ABCC3: variants seen among roughly 807,000 people sequenced by gnomAD.
ABCC3 encodes the protein ATP-binding cassette sub-family C member 3.
In ABCC3, 121 loss-of-function variants were observed where a neutral mutation model predicts 165.3. The observed-to-expected ratio is 0.73, with a 90% CI of 0.63 to 0.85. The LOEUF is 0.85. ABCC3 is among the 40% of genes least tolerant of loss of function. The pLI, the probability that ABCC3 is intolerant of heterozygous loss-of-function variation, is 0.00. For synonymous variants in ABCC3, 733 were observed against 810.1 expected, an observed-to-expected ratio of 0.90 and a Z score of 1.62; for missense variants, 1,869 against 1,964.1, an observed-to-expected ratio of 0.95 and a Z score of 0.92.
At chr17:50,677,660 C>G in intron 23 of ABCC3, 84 bp from the exon 24 acceptor site, 1 of 1,381,010 alleles carries the variant, frequency 7.2e-7, no homozygotes, top group Non-Finnish European at 1.0e-6. Flanking sequence ...GAGGACTCAT[C>G]TGAAAATGGA....
chr17:50,655,179 G>A (rs149543611), intron 1 of ABCC3, among the ~76,000 whole-genome samples: 5 of 150,102 alleles, frequency 3.3e-5, no homozygotes, highest in Admixed American at 1.3e-4. Flanking sequence ...AGGCCGATGC[G>A]GGCAGATCAC....
Position 50,684,806 on chromosome 17 carries a change from T to A in ABCC3, c.4211T>A (p.Leu1404Gln), listed in dbSNP as rs1204148889. The A allele has an allele frequency of 6.2e-7, 1 of 1,614,166 alleles. No individual in the cohort carries two copies. Among genetic ancestry groups the A allele is most frequent in the South Asian group, 1.1e-5 (1 of 91,078 alleles). The change falls in exon 29 of 31, where the codon CTG becomes CAG. Residue 1404 changes from leucine to glutamine, a missense_variant. Transcript: ENST00000285238. ...DIWWALELSH[L>Q]HTFVSSQPAG... Reference sequence around the variant, plus strand: ...TGGTGGGCTTTGGAGCTGTCCCACCTGCACACGTTTGTGAGCTCCCAGCCG... The same window carrying A: ...TGGTGGGCTTTGGAGCTGTCCCACCAGCACACGTTTGTGAGCTCCCAGCCG...
intron 27 of ABCC3, 59 bp downstream of exon 27, chr17:50,683,815 C>G (rs1053351757): frequency 1.3e-6 from 2 of 1,569,108 alleles, no homozygotes; most frequent in African/African-American, 2.7e-5. Flanking sequence ...TGGCCACAGC[C>G]CTTGTGGGGA....
intron 7 of ABCC3, among the ~76,000 whole-genome samples, chr17:50,659,950 T>C (rs1350783910): frequency 3.9e-5 from 6 of 152,180 alleles, no homozygotes; most frequent in Non-Finnish European, 7.4e-5. Context: ...TGTGCCACTG[T>C]ACTCCAGTCT....
chr17:50,663,643 G>T, intron 8 of ABCC3, 38 bp from the exon 9 acceptor site: 1 of 1,607,180 alleles, frequency 6.2e-7, no homozygotes, highest in Non-Finnish European at 8.5e-7. Context: ...AGCCATGGGG[G>T]CAGCACTGCC....
At chr17:50,635,271 T>A in intron 1 of ABCC3, 1 of 628,542 alleles carries the variant, frequency 1.6e-6, no homozygotes, top group East Asian at 2.7e-5. Flanking sequence ...AAAGGCACAG[T>A]GCGTGGCTGG....
chr17:50,647,029 C>T (rs1327742433), intron 1 of ABCC3, among the ~76,000 whole-genome samples: 1 of 152,194 alleles, frequency 6.6e-6, no homozygotes, highest in Non-Finnish European at 1.5e-5. Flanking sequence ...CAGGTGCCTG[C>T]CACCACGCCC....
chr17:50,662,657 A>AAG lies in ABCC3; in HGVS notation c.999-1012_999-1011dup, dbSNP rs386386243. On this transcript the variant is annotated intron_variant, in intron 8 of 30. Transcript: ENST00000285238. ...TGTCTCAAAAAAAAAAAAAAAAAAA[A>AAG]AGAGAGAGAGAGACACCAGTCACTG... Among the ~76,000 whole-genome samples, 312 of 147,718 alleles carry AAG rather than the reference A, an allele frequency of 2.1e-3. 7 individuals are homozygous for AAG. The highest frequency in any genetic ancestry group is 0.018 in the Admixed American group (263 of 14,634).
intron 8 of ABCC3, among the ~76,000 whole-genome samples, chr17:50,661,842 G>T (rs1056588170): frequency 2.6e-5 from 4 of 152,186 alleles, no homozygotes; most frequent in Non-Finnish European, 5.9e-5. Flanking sequence ...AAAGAAGCCA[G>T]CCTGGGATGC....
At chr17:50,640,183 C>G (rs1424152040) in intron 1 of ABCC3, among the ~76,000 whole-genome samples, 3 of 152,218 alleles carry the variant, frequency 2.0e-5, no homozygotes, top group Admixed American at 1.3e-4. Flanking sequence ...TTGCAAAAAG[C>G]AGGTGATATG....
rs201202739 is a variant in ABCC3 at position 50,669,565 on chromosome 17, A to G, written c.2241+37A>G. The G allele has an allele frequency of 4.2e-5, 68 of 1,603,672 alleles. No individual in the cohort carries two copies. The East Asian group carries it at 1.1e-3, about 26-fold the overall frequency. On this transcript the variant is annotated intron_variant, in intron 17 of 30. Coordinates refer to ENST00000285238, the MANE Select transcript of ABCC3 (RefSeq NM_003786.4). ...TCTTCCATCCCTAAGAGGCTAGGGCATAGAGCTGCCCACCTCAACCCAGCC... is the reference window on the plus strand; with the variant it reads ...TCTTCCATCCCTAAGAGGCTAGGGCGTAGAGCTGCCCACCTCAACCCAGCC...
At chr17:50,674,711 C>T (rs1246975199) in intron 19 of ABCC3, among the ~76,000 whole-genome samples, 1 of 152,056 alleles carries the variant, frequency 6.6e-6, no homozygotes, top group Non-Finnish European at 1.5e-5. Flanking sequence ...GCTATACATA[C>T]AGCCAACGTG....
intron 17 of ABCC3, among the ~76,000 whole-genome samples, chr17:50,670,483 T>C (rs994522669): frequency 1.3e-5 from 2 of 152,174 alleles, no homozygotes; most frequent in African/African-American, 2.4e-5. Context: ...CCCACTCTAT[T>C]CTGGGAAATA....
intron 1 of ABCC3, among the ~76,000 whole-genome samples, chr17:50,644,006 C>T (rs1425391520): frequency 6.6e-6 from 1 of 152,088 alleles, no homozygotes; most frequent in Non-Finnish European, 1.5e-5. Context: ...AGGGCTGCCC[C>T]AGATGGGATT....
rs753769868 is a variant in ABCC3, at chr17:50,658,451, C to G, written c.629C>G (p.Thr210Ser). The G allele has an allele frequency of 6.2e-7, 1 of 1,614,170 alleles. No homozygotes were observed. The highest frequency in any genetic ancestry group is 1.1e-5 in the South Asian group (1 of 91,092). The change falls in exon 6 of 31, where the codon ACC becomes AGC. Residue 210 changes from threonine to serine, a missense_variant. Physicochemically the swap from Thr to Ser is moderately conservative, Grantham distance 58. Transcript: ENST00000285238. ...GCCTTCTAGAACCCCTACCCTGAGA[C>G]CAGCGCTGGCTTTCTCTCCCGCCTG... ...KNVDPNPYPE[T>S]SAGFLSRLFF...
chr17:50,671,631 C>CCCAAGGCCATA (rs1967647471), intron 17 of ABCC3, among the ~76,000 whole-genome samples: 1 of 151,304 alleles, frequency 6.6e-6, no homozygotes, highest in African/African-American at 2.4e-5. Context: ...TCTGCAGAGT[C>CCCAAGGCCATA]CCAAGGCCAT....
chr17:50,655,100 A>C (rs1967197936), intron 1 of ABCC3, among the ~76,000 whole-genome samples: 1 of 4,932 alleles, frequency 2.0e-4, no homozygotes, highest in African/African-American at 3.8e-4. Context: ...ACTCCATCTC[A>C]AAAAAAAAAA....
chr17:50,674,040 CTTTCTTTCTTTCTTTCTT>C (rs1567835767), intron 19 of ABCC3, among the ~76,000 whole-genome samples: 5 of 28,910 alleles, frequency 1.7e-4, no homozygotes, highest in Non-Finnish European at 2.4e-4. Context: ...CTCTCTCTTT[CTTTCTTTCTTTCTTTCTT>C]TCTTTCTTTC....
At chr17:50,640,825 C>T (rs1472269155) in intron 1 of ABCC3, among the ~76,000 whole-genome samples, 1 of 152,170 alleles carries the variant, frequency 6.6e-6, no homozygotes, top group Non-Finnish European at 1.5e-5. Flanking sequence ...GACCCCTGCC[C>T]CCAGGCCTTC....
Sources: allele counts gnomAD v4.1 joint callset (sites outside exome capture counted in the v4.1 genomes callset), GRCh38; gene constraint gnomAD v4.1.1; transcripts MANE v1.5; gene names NCBI Gene and HGNC (gene_info 2026-07-23, HGNC 2026-07-21).